SLC12A4: variants seen among roughly 807,000 people sequenced by gnomAD.
The protein encoded by SLC12A4 is electroneutral potassium-chloride cotransporter 1.
A neutral mutation model predicts 119.2 loss-of-function variants in SLC12A4; 84 were observed. The observed-to-expected ratio is 0.70, with a 90% CI of 0.59 to 0.85. The LOEUF is 0.85. Among genes scored for constraint, SLC12A4 ranks in the 40% least tolerant of loss-of-function variants. SLC12A4 has a pLI of 0.00. For synonymous variants in SLC12A4, 599 were observed against 604.6 expected (o/e 0.99, Z 0.14); for missense variants, 1,298 against 1,476.3 (o/e 0.88, Z 1.98).
Position 67,950,317 on chromosome 16 carries a change from A to G in SLC12A4, c.1629+2T>C. ...GCCATGGGGGAGTGCAGAGGGGCTC[A>G]CCCGGAGGAAGGGGATGATGTTGTC... On this transcript the variant is annotated splice_donor_variant, in intron 12 of 23. Coordinates refer to ENST00000316341, the MANE Select transcript of SLC12A4 (RefSeq NM_005072.5). LOFTEE classifies it high-confidence loss of function. The surrounding 1 kb of genome is among the most constrained non-coding windows in gnomAD (Gnocchi z 4.3). 1 of 1,613,410 alleles carries G rather than the reference A, an allele frequency of 6.2e-7. No individual in the cohort carries two copies. The highest frequency in any genetic ancestry group is 8.5e-7 in the Non-Finnish European group (1 of 1,179,824).
At chr16:67,967,853 C>G (rs1363819040) in intron 1 of SLC12A4, among the ~76,000 whole-genome samples, 2 of 152,148 alleles carry the variant, frequency 1.3e-5, no homozygotes, top group Non-Finnish European at 2.9e-5. Flanking sequence ...TGCCTAGACA[C>G]GTCCGGCTCC....
chr16:67,945,514 C>G lies in SLC12A4; in HGVS notation c.2887G>C (p.Glu963Gln). 2 of 1,614,056 alleles carry G rather than the reference C, an allele frequency of 1.2e-6. No individual in the cohort carries two copies. Among genetic ancestry groups the G allele is most frequent in the South Asian group, 2.2e-5 (2 of 91,086 alleles). The change falls in exon 22 of 24, where the codon GAG becomes CAG. Residue 963 changes from glutamate (E) to glutamine (Q), a missense_variant. Coordinates refer to ENST00000316341, the MANE Select transcript of SLC12A4 (RefSeq NM_005072.5). The stretch of plus-strand genomic sequence containing the variant: ...TCTTCCTCGTCCGAGTACAGGCTCT[C>G]CAGCCGCAGGGCCGAGTGCCGATCC... Reference protein sequence around the residue: ...VKDRHSALRLESLYSDEEDES... With the variant: ...VKDRHSALRLQSLYSDEEDES...
At position 67,963,870 on chromosome 16, in the gene SLC12A4, G is replaced by A. The variant is rs936058482; in HGVS notation, c.116-311C>T. 5.2e-6 allele frequency: 8 copies of A among 1,530,250 alleles called. No individual in the cohort carries two copies. In the African/African-American group the frequency reaches 8.0e-5, roughly 15 times the overall value. 94.8% of individuals were successfully genotyped at this position (1,530,250 alleles called of 1,614,324 possible). A position where few individuals can be genotyped will look rare whatever the true frequency, so the allele number is the denominator to read the frequency against. ...GGGCCTGCAGAGGGGCGGGGCCAGC[G>A]TTTGACCCGCCCCCAGATCGCCTCC... On this transcript the variant is annotated intron_variant, in intron 1 of 23. Coordinates refer to ENST00000316341, the MANE Select transcript of SLC12A4 (RefSeq NM_005072.5).
Position 67,968,587 on chromosome 16 carries a change from C to T in SLC12A4, c.-34G>A. On this transcript the variant is annotated 5_prime_UTR_variant, in exon 1 of 24. Coordinates refer to ENST00000316341, the MANE Select transcript of SLC12A4 (RefSeq NM_005072.5). ...CTCGGCCCCGCCGCACCCGCCGTCC[C>T]AGCCGCCCGCCGCTGTCCCCGCCGC... The T allele has an allele frequency of 4.1e-6, 6 of 1,460,690 alleles. No homozygotes were observed. Among genetic ancestry groups the T allele is most frequent in the Non-Finnish European group, 5.4e-6 (6 of 1,106,880 alleles). The allele number at this position is 1,460,690 out of a possible 1,614,324, so 90.5% of individuals were successfully genotyped here.
At chr16:67,966,666 G>A (rs1207470547) in intron 1 of SLC12A4, 2 of 1,507,986 alleles carry the variant, frequency 1.3e-6, no homozygotes, top group African/African-American at 2.8e-5. Flanking sequence ...ACTGAACTGG[G>A]GAAGGGGCAG....
At chr16:67,959,266 G>C (rs1362551140) in intron 3 of SLC12A4, among the ~76,000 whole-genome samples, 1 of 152,206 alleles carries the variant, frequency 6.6e-6, no homozygotes, top group Admixed American at 6.5e-5. Flanking sequence ...GAGCCCCCAA[G>C]AGTGCAGCCT....
intron 3 of SLC12A4, among the ~76,000 whole-genome samples, chr16:67,960,853 G>A (rs989782174): frequency 4.6e-5 from 7 of 151,904 alleles, no homozygotes; most frequent in African/African-American, 1.5e-4. Flanking sequence ...GGACAGGAAA[G>A]CCCCACAAGG....
Position 67,961,725 on chromosome 16 carries a change from G to A in SLC12A4, c.211-19C>T. The A allele has an allele frequency of 1.2e-6, 2 of 1,613,732 alleles. No homozygotes were observed. The highest frequency in any genetic ancestry group is 8.5e-7 in the Non-Finnish European group (1 of 1,179,774). The stretch of plus-strand genomic sequence containing the variant: ...GCTCTTCCTGCAAACAGAGCCACAG[G>A]GCAAGATGGCATTGGGCCAGGTGGG... On this transcript the variant is annotated intron_variant, in intron 2 of 23. Coordinates refer to ENST00000316341, the MANE Select transcript of SLC12A4 (RefSeq NM_005072.5).
In SLC12A4 at chr16:67,951,221, C is replaced by T; in HGVS notation, c.1216G>A (p.Glu406Lys). 6.2e-7 allele frequency: 1 copy of T among 1,614,106 alleles called. No homozygotes were observed. The highest frequency in any genetic ancestry group is 1.6e-4 in the Middle Eastern group (1 of 6,062). The change falls in exon 9 of 24, where the codon GAG becomes AAG. Residue 406 changes from glutamate to lysine, a missense_variant. Coordinates refer to ENST00000316341, the MANE Select transcript of SLC12A4 (RefSeq NM_005072.5). The surrounding 1 kb of genome is among the most constrained non-coding windows in gnomAD (Gnocchi z 5.2). ...LPSADAPSLK[E>K]SLPLYVVADI... ...GCGACCACGTACAGAGGCAGGCTCT[C>T]CTTCAGGCTCGGGGCATCTGCGGAG... is the stretch of plus-strand genomic sequence containing the variant.
rs772316037 is a variant in SLC12A4, at chr16:67,945,068, CCT to C, written c.3166+17_3166+18del. The C allele has an allele frequency of 6.3e-7, 1 of 1,576,218 alleles. No individual in the cohort carries two copies. Among genetic ancestry groups the C allele is most frequent in the Admixed American group, 1.8e-5 (1 of 56,208 alleles). On this transcript the variant is annotated intron_variant, in intron 23 of 23. Coordinates refer to ENST00000316341, the MANE Select transcript of SLC12A4 (RefSeq NM_005072.5). ...ATGCTATCCACCTCCCAACTGCCTG[CCT>C]CTCCACAAAGGGATACAGTTCTCGT...
chr16:67,951,637 TG>T lies in SLC12A4; in HGVS notation c.1132+185del, dbSNP rs2029911647. On this transcript the variant is annotated intron_variant, in intron 8 of 23. Transcript: ENST00000316341. This position sits in a 1 kb window ranked among gnomAD's most constrained non-coding sequence, Gnocchi z 5.2. ...ACAGGCTGCTGCAGGCCTTGGACGC[TG>T]GCCAGACAGGCTCCACTCACTCCAA... is the stretch of plus-strand genomic sequence containing the variant. 2 of 630,778 alleles carry T rather than the reference TG, an allele frequency of 3.2e-6. No individual in the cohort carries two copies. The highest frequency in any genetic ancestry group is 5.5e-6 in the Non-Finnish European group (2 of 364,196). 39.1% of individuals were successfully genotyped at this position (630,778 alleles called of 1,614,324 possible).
chr16:67,943,937 TG>T lies in SLC12A4; in HGVS notation c.*902del. 6.5e-7 allele frequency: 1 copy of T among 1,542,540 alleles called. No homozygotes were observed. The highest frequency in any genetic ancestry group is 1.2e-5 in the South Asian group (1 of 83,020). ...CTGGCGTGGTGCATCAGGGGCCTGG[TG>T]GGGGCTTACCGAGGATGACGGGCCG... On this transcript the variant is annotated 3_prime_UTR_variant, in exon 24 of 24. Transcript: ENST00000316341. The surrounding 1 kb of genome is among the most constrained non-coding windows in gnomAD (Gnocchi z 4.6).
intron 6 of SLC12A4, chr16:67,954,250 G>C (rs1354762348): frequency 6.1e-6 from 2 of 329,728 alleles, no homozygotes; most frequent in East Asian, 8.9e-5. Flanking sequence ...AGGTGGATCT[G>C]AAGTGCCCTG....
In SLC12A4 at chr16:67,961,630, G is replaced by A; in HGVS notation, c.287C>T (p.Ala96Val). ...ACTCTCGGCCTCCTCATGCTCTTTGGCGCCCTGGGTGAGGTTGGTGTAGCT... is the reference window on the plus strand; with the variant it reads ...ACTCTCGGCCTCCTCATGCTCTTTGACGCCCTGGGTGAGGTTGGTGTAGCT... The part of the protein sequence containing the change: ...LVSYTNLTQG[A>V]KEHEEAESGE... Residue 96 changes from alanine (A) to valine (V), a missense_variant, in exon 3 of 24, where the codon GCC (alanine) becomes GTC (valine). Ala to Val is a moderately conservative substitution (Grantham distance 64). Transcript: ENST00000316341. The A allele has an allele frequency of 6.2e-7, 1 of 1,614,154 alleles. No homozygotes were observed. Among genetic ancestry groups the A allele is most frequent in the South Asian group, 1.1e-5 (1 of 91,090 alleles).
At position 67,945,953 on chromosome 16, in the gene SLC12A4, T is replaced by C; in HGVS notation, c.2737A>G (p.Met913Val). The change falls in exon 20 of 24, where the codon ATG becomes GTG. Residue 913 changes from methionine (M) to valine (V), a missense_variant and splice_region_variant. By Grantham distance (21) the Met-to-Val change is conservative. Transcript: ENST00000316341. ...RLEAEVEVVE[M>V]HNSDISAYTY... ...CCAGGGCAGGGCAGAGGGCTCACCATCTCCACCACCTCCACCTCGGCCTCA... is the reference window on the plus strand; with the variant it reads ...CCAGGGCAGGGCAGAGGGCTCACCACCTCCACCACCTCCACCTCGGCCTCA... 6.2e-7 allele frequency: 1 copy of C among 1,613,278 alleles called. No homozygotes were observed. The highest frequency in any genetic ancestry group is 8.5e-7 in the Non-Finnish European group (1 of 1,179,428).
intron 21 of SLC12A4, 58 bp from the exon 22 acceptor site, chr16:67,945,611 T>A: frequency 6.4e-7 from 1 of 1,558,750 alleles, no homozygotes. Context: ...ATGGGGCCTG[T>A]CTGGCCCAAT....
At position 67,944,721 on chromosome 16, in the gene SLC12A4, G is replaced by A; in HGVS notation, c.*119C>T. ...AGGAGACCTAGCAAAGCTGGGTCCA[G>A]GACAGGGCCAGGCAAGCAGGGCTGG... On this transcript the variant is annotated 3_prime_UTR_variant, in exon 24 of 24. Coordinates refer to ENST00000316341, the MANE Select transcript of SLC12A4 (RefSeq NM_005072.5). This position sits in a 1 kb window ranked among gnomAD's most constrained non-coding sequence, Gnocchi z 6.6. 1 of 1,479,518 alleles carries A rather than the reference G, an allele frequency of 6.8e-7. No homozygotes were observed. Among genetic ancestry groups the A allele is most frequent in the Non-Finnish European group, 9.0e-7 (1 of 1,115,826 alleles). The allele number at this position is 1,479,518 out of a possible 1,614,324, so 91.6% of individuals were successfully genotyped here. A position where few individuals can be genotyped will look rare whatever the true frequency, so the allele number is the denominator to read the frequency against.
chr16:67,946,727 G>A, intron 17 of SLC12A4, 94 bp from the exon 18 acceptor site: 4 of 1,427,520 alleles, frequency 2.8e-6, no homozygotes, highest in Non-Finnish European at 3.8e-6. Context: ...CGACTTTTGG[G>A]TGGAGGAGGG....
intron 3 of SLC12A4, among the ~76,000 whole-genome samples, chr16:67,959,812 G>C (rs2030467618): frequency 6.6e-6 from 1 of 152,248 alleles, no homozygotes; most frequent in Non-Finnish European, 1.5e-5. Context: ...CGGTGCTGGA[G>C]CTGGAGCAGC....
Sources: allele counts gnomAD v4.1 joint callset (sites outside exome capture counted in the v4.1 genomes callset), GRCh38; gene constraint gnomAD v4.1.1; non-coding constraint Gnocchi (gnomAD v3.1); transcripts MANE v1.5; gene names NCBI Gene and HGNC (gene_info 2026-07-23, HGNC 2026-07-21).